Variants in ESRRG observed in about 807,000 individuals in gnomAD.
ESRRG encodes the protein estrogen related receptor gamma.
Under a neutral mutation model 44.0 loss-of-function variants are expected in ESRRG, and 13 were observed. That is an observed-to-expected ratio of 0.30 (90% CI 0.19 to 0.47). ESRRG has a LOEUF of 0.47. Ranked by LOEUF, ESRRG falls within the 20% of genes least tolerant of loss-of-function variation. The pLI, the probability that ESRRG is intolerant of heterozygous loss-of-function variation, is 1.00. For missense variants in ESRRG, 395 were observed against 580.6 expected (o/e 0.68, Z 3.29); for synonymous variants, 215 against 214.6 (o/e 1.00, Z -0.02).
chr1:216,568,217 C>T, intron 3 of ESRRG, 119 bp from the exon 4 acceptor site: 1 of 715,252 alleles, frequency 1.4e-6, no homozygotes, highest in Non-Finnish European at 2.5e-6. Context: ...GCAGAATGGA[C>T]CAGGGGTACT....
At chr1:216,726,538 A>C (rs1175092697), upstream of ESRRG, among the ~76,000 whole-genome samples, 2 of 152,110 alleles carry the variant, frequency 1.3e-5, no homozygotes, top group African/African-American at 4.8e-5. Flanking sequence ...ATCTGGAAAA[A>C]CAAATAAACA....
chr1:217,109,953 C>G (rs1033092789), intron 1 of ESRRG, among the ~76,000 whole-genome samples: 1 of 152,162 alleles, frequency 6.6e-6, no homozygotes, highest in Admixed American at 6.5e-5. Context: ...AGTAGGTGAG[C>G]CCTAGCCTCC....
chr1:216,611,101 G>A (rs1011741668), intron 3 of ESRRG, among the ~76,000 whole-genome samples: 1 of 151,282 alleles, frequency 6.6e-6, no homozygotes, highest in African/African-American at 2.4e-5. Flanking sequence ...TACTCGGGAG[G>A]CTGAGGCAGG....
chr1:217,054,844 A>G (rs536820564), intron 1 of ESRRG, among the ~76,000 whole-genome samples: 92 of 152,260 alleles, frequency 6.0e-4, no homozygotes, highest in African/African-American at 2.1e-3. Context: ...ATTGATTATA[A>G]TATCACTGAA....
chr1:217,086,930 TA>T (rs67543448), intron 1 of ESRRG, among the ~76,000 whole-genome samples: 23,341 of 147,836 alleles, frequency 0.16, 2,180 homozygotes, highest in Admixed American at 0.23. Context: ...ATTTTTTTTT[TA>T]AAAGACTAAA....
chr1:216,799,026 A>C (rs2094545846), intron 2 of ESRRG, among the ~76,000 whole-genome samples: 1 of 152,144 alleles, frequency 6.6e-6, no homozygotes, highest in South Asian at 2.1e-4. Flanking sequence ...ACAATTTCCA[A>C]GACCTTCTCT....
chr1:216,522,583 T>C (rs982714622), intron 5 of ESRRG, among the ~76,000 whole-genome samples: 2 of 152,132 alleles, frequency 1.3e-5, no homozygotes, highest in Non-Finnish European at 2.9e-5. Context: ...AGCCTTGTTA[T>C]AAGATAGTCA....
intron 2 of ESRRG, among the ~76,000 whole-genome samples, chr1:216,905,200 C>T (rs753868778): frequency 8.5e-5 from 13 of 152,184 alleles, no homozygotes; most frequent in South Asian, 2.1e-4. Flanking sequence ...GCATTGCACA[C>T]GCCTTACTGG....
intron 5 of ESRRG, among the ~76,000 whole-genome samples, chr1:216,530,484 T>C (rs2049046135): frequency 6.6e-6 from 1 of 152,150 alleles, no homozygotes; most frequent in African/African-American, 2.4e-5. Context: ...AAGGTAGAGT[T>C]GCTGGCTTTA....
chr1:216,915,080 A>G (rs1001147040), intron 2 of ESRRG, among the ~76,000 whole-genome samples: 1 of 152,178 alleles, frequency 6.6e-6, no homozygotes, highest in Non-Finnish European at 1.5e-5. Flanking sequence ...TCAACTCTCC[A>G]TCAGTAAACA....
intron 5 of ESRRG, among the ~76,000 whole-genome samples, chr1:216,560,832 C>T (rs1350546232): frequency 2.0e-5 from 3 of 152,118 alleles, no homozygotes; most frequent in East Asian, 1.9e-4. Flanking sequence ...CTTATCCGAG[C>T]GCGGACGAAA....
chr1:217,106,384 TCACATATG>T (rs1558267612), intron 1 of ESRRG, among the ~76,000 whole-genome samples: 2 of 136,838 alleles, frequency 1.5e-5, no homozygotes, highest in African/African-American at 6.0e-5. Flanking sequence ...ATTCACACAC[TCACATATG>T]CACACACACA....
chr1:216,765,995 A>G (rs11572638), intron 2 of ESRRG, among the ~76,000 whole-genome samples: 2,787 of 152,224 alleles, frequency 0.018, 33 homozygotes, highest in Non-Finnish European at 0.028. Flanking sequence ...ACAGAAACTC[A>G]AAATATCTCA....
At chr1:216,920,064 G>T (rs574995322) in intron 2 of ESRRG, among the ~76,000 whole-genome samples, 1 of 152,204 alleles carries the variant, frequency 6.6e-6, no homozygotes, top group African/African-American at 2.4e-5. Context: ...AGATGAAGTT[G>T]TATAATATAT....
chr1:216,573,836 T>C (rs1252188625), intron 3 of ESRRG, among the ~76,000 whole-genome samples: 1 of 152,032 alleles, frequency 6.6e-6, no homozygotes, highest in Non-Finnish European at 1.5e-5. Flanking sequence ...TTCATAATTA[T>C]CTAATTAAAC....
At chr1:217,094,491 T>C (rs1215777506), upstream of ESRRG, among the ~76,000 whole-genome samples, 1 of 152,252 alleles carries the variant, frequency 6.6e-6, no homozygotes, top group African/African-American at 2.4e-5. Context: ...TCCTCATGTG[T>C]TGAATAATTA....
At chr1:216,550,672 A>T (rs2056032380) in intron 5 of ESRRG, among the ~76,000 whole-genome samples, 2 of 152,112 alleles carry the variant, frequency 1.3e-5, no homozygotes, top group South Asian at 4.1e-4. Flanking sequence ...ATGTAACACA[A>T]CCTTAACAAT....
intron 2 of ESRRG, among the ~76,000 whole-genome samples, chr1:216,658,849 A>AGAAGAGAAGG (rs1463706166): frequency 2.3e-4 from 1 of 4,358 alleles, no homozygotes. Context: ...AGAAAGTAAA[A>AGAAGAGAAGG]GAAGAGAAGA....
chr1:216,799,784 A>G (rs891559864), intron 2 of ESRRG, among the ~76,000 whole-genome samples: 1 of 152,140 alleles, frequency 6.6e-6, no homozygotes, highest in Non-Finnish European at 1.5e-5. Context: ...CATAAACACA[A>G]ACTAGAAAAA....
Sources: gnomAD v4.1 joint callset for allele counts (sites outside exome capture counted in the v4.1 genomes callset) on GRCh38, gnomAD v4.1.1 for gene constraint, MANE v1.5 for transcripts, NCBI Gene and HGNC (gene_info 2026-07-23, HGNC 2026-07-21) for gene names.